Variants in RGPD4 observed in about 807,000 individuals in gnomAD.
RGPD4 encodes the protein ranBP2-like and GRIP domain-containing protein 4.
In RGPD4, 84 loss-of-function variants were observed where a neutral mutation model predicts 141.1. The ratio of observed to expected loss-of-function variants is 0.60; its 90% CI spans 0.50 to 0.71. The LOEUF is 0.71. Ranked by LOEUF, RGPD4 falls within the 30% of genes least tolerant of loss-of-function variation. The pLI, the probability that RGPD4 is intolerant of heterozygous loss-of-function variation, is 0.00. For synonymous variants in RGPD4, 298 were observed against 566.8 expected, an observed-to-expected ratio of 0.53 and a Z score of 6.74; for missense variants, 918 against 1,622.4, an observed-to-expected ratio of 0.57 and a Z score of 7.46.
chr2:107,835,609 TAGG>T (rs1681642378), intron 1 of RGPD4, among the ~76,000 whole-genome samples: 1 of 151,748 alleles, frequency 6.6e-6, no homozygotes, highest in Non-Finnish European at 1.5e-5. Context: ...TTACACATGG[TAGG>T]AGAAGAGATT....
At chr2:107,836,480 A>T (rs5028716) in intron 1 of RGPD4, 122 bp from the exon 2 acceptor site, 42 of 1,053,272 alleles carry the variant, frequency 4.0e-5, no homozygotes, top group Non-Finnish European at 4.3e-5. Context: ...TTTAAAAAAA[A>T]TTTTTAAGTG....
chr2:107,849,334 G>T, intron 7 of RGPD4, among the ~76,000 whole-genome samples: 2 of 105,866 alleles, frequency 1.9e-5, no homozygotes, highest in Non-Finnish European at 3.7e-5. Flanking sequence ...GATTACAGGC[G>T]CGAGGCACTG....
chr2:107,828,344 G>C (rs1414633059), intron 1 of RGPD4, among the ~76,000 whole-genome samples: 2 of 11,034 alleles, frequency 1.8e-4, no homozygotes, highest in East Asian at 9.5e-4. Flanking sequence ...CGGCGGCCTC[G>C]ATGGCTCAGG....
chr2:107,884,054 C>T (rs1675440978), intron 22 of RGPD4, among the ~76,000 whole-genome samples: 1 of 151,602 alleles, frequency 6.6e-6, no homozygotes, highest in Non-Finnish European at 1.5e-5. Context: ...TTTATAGTAT[C>T]CTAAATAGGG....
rs2119131 is a variant in RGPD4, at chr2:107,890,491, C to T, written c.5267-230C>T. On this transcript the variant is annotated intron_variant, in intron 22 of 22. Coordinates refer to ENST00000408999, the MANE Select transcript of RGPD4 (RefSeq NM_182588.3). The stretch of plus-strand genomic sequence containing the variant: ...TTGAGCCTGGGAGATCAAGGCTGCA[C>T]TGAAGTCTCATCACGCCACTGCACT... 4.8e-5 allele frequency among the ~76,000 whole-genome samples: 6 copies of T among 125,444 alleles called. 1 individual carries two copies. In the South Asian group the frequency reaches 8.6e-4, roughly 18 times the overall value. 82.3% of individuals were successfully genotyped at this position (125,444 alleles called of 152,430 possible).
chr2:107,878,689 TTAAG>T (rs1683163766), intron 20 of RGPD4, among the ~76,000 whole-genome samples: 1 of 103,748 alleles, frequency 9.6e-6, no homozygotes, highest in Non-Finnish European at 2.0e-5. Context: ...TGGATGCTTA[TTAAG>T]TATTACCTTA....
intron 1 of RGPD4, among the ~76,000 whole-genome samples, chr2:107,834,950 C>T (rs1681621649): frequency 3.3e-5 from 1 of 30,690 alleles, no homozygotes; most frequent in Admixed American, 3.3e-4. Context: ...TTGATGGCAA[C>T]CTGGTTTGGT....
At chr2:107,858,598 T>C (rs551401850) in intron 9 of RGPD4, among the ~76,000 whole-genome samples, 127 of 152,230 alleles carry the variant, frequency 8.3e-4, no homozygotes, top group African/African-American at 2.7e-3. Context: ...GACACCGTGC[T>C]CGGCTAATTT....
intron 7 of RGPD4, among the ~76,000 whole-genome samples, chr2:107,854,102 C>T (rs1304096225): frequency 5.4e-4 from 75 of 139,182 alleles, no homozygotes; most frequent in African/African-American, 1.9e-3. Flanking sequence ...TCACCCAGGC[C>T]GGAGTGCAAT....
chr2:107,871,054 C>G lies in RGPD4; in HGVS notation c.3050C>G (p.Thr1017Ser), dbSNP rs774706346. The G allele has an allele frequency of 5.6e-6, 9 of 1,611,040 alleles. No homozygotes were observed. The African/African-American group carries it at 1.2e-4, about 22-fold the overall frequency. The change falls in exon 20 of 23, where the codon ACT becomes AGT. Residue 1017 changes from threonine (T) to serine (S), a missense_variant. Transcript: ENST00000408999. ...QCGKMANKAN[T>S]SGDFEKDDDA... The stretch of plus-strand genomic sequence containing the variant: ...GGTAAAATGGCCAATAAAGCAAACA[C>G]TTCCGGTGACTTTGAGAAAGATGAT...
At chr2:107,837,022 T>TA (rs1404340984) in intron 2 of RGPD4, among the ~76,000 whole-genome samples, 1 of 139,208 alleles carries the variant, frequency 7.2e-6, no homozygotes, top group African/African-American at 3.0e-5. Context: ...TAGCAATGAA[T>TA]AAAAAATTAA....
chr2:107,882,737 G>A lies in RGPD4; in HGVS notation c.5130G>A (p.Val1710=). 6.2e-7 allele frequency: 1 copy of A among 1,611,638 alleles called. No homozygotes were observed. The highest frequency in any genetic ancestry group is 8.5e-7 in the Non-Finnish European group (1 of 1,179,866). The change falls in exon 22 of 23, where the codon GTG becomes GTA. Residue 1710 remains valine (V), a synonymous_variant. Transcript: ENST00000408999. ...NQEQEESAAN[V]EHLKNVLLQF... is the part of the protein sequence containing the mutation. ...AGCAAGAGGAGTCTGCAGCTAACGT[G>A]GAACACTTGAAGAACGTCTTGCTGC...
At chr2:107,875,318 C>T (rs2556249) in intron 20 of RGPD4, among the ~76,000 whole-genome samples, 5,054 of 30,636 alleles carry the variant, frequency 0.16, 1,556 homozygotes, top group African/African-American at 0.42. Flanking sequence ...CTAATTAATA[C>T]AAAAATTAAT....
chr2:107,849,577 A>G (rs1217024030), intron 7 of RGPD4, among the ~76,000 whole-genome samples: 8 of 34,232 alleles, frequency 2.3e-4, no homozygotes, highest in South Asian at 1.7e-3. Context: ...TCACCATGTT[A>G]GCCAGGATGG....
At chr2:107,834,163 T>C (rs1681592043) in intron 1 of RGPD4, among the ~76,000 whole-genome samples, 1 of 151,788 alleles carries the variant, frequency 6.6e-6, no homozygotes, top group Admixed American at 6.6e-5. Flanking sequence ...TAGCCTGGCA[T>C]TGAGCAACGT....
rs1287663359 is a variant in RGPD4 at position 107,872,838 on chromosome 2, C to G, written c.4834C>G (p.Gln1612Glu). 62 of 1,605,600 alleles carry G rather than the reference C, an allele frequency of 3.9e-5. No homozygotes were observed. Among genetic ancestry groups the G allele is most frequent in the Non-Finnish European group, 5.0e-5 (59 of 1,177,824 alleles). Reference sequence around the variant, plus strand: ...ACTGTCAAAGAACTCTGATATCGAACAGTCTTCAGATAGCAAAGTCAAAAA... The same window carrying G: ...ACTGTCAAAGAACTCTGATATCGAAGAGTCTTCAGATAGCAAAGTCAAAAA... Reference protein sequence around the residue: ...CELSKNSDIEQSSDSKVKNLS... With the variant: ...CELSKNSDIEESSDSKVKNLS... Residue 1612 changes from glutamine (Q) to glutamate (E), a missense_variant, in exon 20 of 23, where the codon CAG becomes GAG. Physicochemically the swap from Gln to Glu is conservative, Grantham distance 29. Coordinates refer to ENST00000408999, the MANE Select transcript of RGPD4 (RefSeq NM_182588.3).
chr2:107,887,507 G>A (rs991222022), intron 22 of RGPD4, among the ~76,000 whole-genome samples: 2 of 151,062 alleles, frequency 1.3e-5, no homozygotes, highest in African/African-American at 2.4e-5. Flanking sequence ...AGCTTAGGGG[G>A]TAAAGTAGGT....
At chr2:107,832,867 C>T (rs1179375128) in intron 1 of RGPD4, among the ~76,000 whole-genome samples, 1 of 150,430 alleles carries the variant, frequency 6.6e-6, no homozygotes, top group Non-Finnish European at 1.5e-5. Context: ...AAACTCATTT[C>T]TTTCAGTTCT....
rs535336392 is a variant in RGPD4, at chr2:107,883,001, G to A, written c.5266+128G>A. 1.1e-3 allele frequency: 1,035 copies of A among 951,708 alleles called. 1 individual carries two copies. Among genetic ancestry groups the A allele is most frequent in the Admixed American group, 1.6e-3 (79 of 48,140 alleles). 59.0% of individuals were successfully genotyped at this position (951,708 alleles called of 1,614,324 possible). On this transcript the variant is annotated intron_variant, in intron 22 of 22. Coordinates refer to ENST00000408999, the MANE Select transcript of RGPD4 (RefSeq NM_182588.3). Reference sequence around the variant, plus strand: ...TTGAATTGGGTCTGTCATATGAGTAGGCCGTGACTAGATTTGAAAAGCTGA... The same window carrying A: ...TTGAATTGGGTCTGTCATATGAGTAAGCCGTGACTAGATTTGAAAAGCTGA...
Sources: allele counts gnomAD v4.1 joint callset (sites outside exome capture counted in the v4.1 genomes callset), GRCh38; gene constraint gnomAD v4.1.1; transcripts MANE v1.5; gene names NCBI Gene and HGNC (gene_info 2026-07-23, HGNC 2026-07-21).